The following RAF1 variants were observed in gnomAD, a reference collection of about 807,000 sequenced individuals.
The protein encoded by RAF1 is RAF proto-oncogene serine/threonine-protein kinase.
In RAF1, 27 loss-of-function variants were observed where a neutral mutation model predicts 81.1. That is an observed-to-expected ratio of 0.33 (90% CI 0.25 to 0.46). RAF1 has a LOEUF of 0.46. RAF1 is among the 20% of genes least tolerant of loss of function. RAF1 has a pLI of 1.00. For synonymous variants in RAF1, 298 were observed against 294.0 expected, an observed-to-expected ratio of 1.01 and a Z score of -0.14; for missense variants, 598 against 826.0, an observed-to-expected ratio of 0.72 and a Z score of 3.38.
intron 12 of RAF1, among the ~76,000 whole-genome samples, 171 bp downstream of exon 11, chr3:12,591,537 T>G (rs1291443980): frequency 2.0e-5 from 3 of 152,108 alleles, no homozygotes; most frequent in Non-Finnish European, 4.4e-5. Flanking sequence ...CCACATAAAC[T>G]AAAGGAAACA....
chr3:12,638,273 G>A (rs1422702436), intron 1 of RAF1, among the ~76,000 whole-genome samples: 1 of 152,114 alleles, frequency 6.6e-6, no homozygotes, highest in African/African-American at 2.4e-5. Flanking sequence ...GGGCTATCTG[G>A]CAAGTGGTGA....
At chr3:12,608,734 T>C (rs2059116254) in intron 5 of RAF1, 32 bp downstream of exon 5, 3 of 1,607,608 alleles carry the variant, frequency 1.9e-6, no homozygotes, top group East Asian at 4.5e-5. Context: ...TCCTCATCCC[T>C]ATCTTCCTTG....
chr3:12,662,338 TAAAAAAAAAAAAAAAAAAAAA>T (rs61275660), intron 1 of RAF1, among the ~76,000 whole-genome samples: 3 of 100,906 alleles, frequency 3.0e-5, no homozygotes, highest in Admixed American at 1.2e-4. Flanking sequence ...CCTGTTCCTT[TAAAAAAAAAAAAAAAAAAAAA>T]AAAAAAAAAA....
chr3:12,620,908 AGTTC>A (rs2059538293), intron 1 of RAF1, among the ~76,000 whole-genome samples: 1 of 5,448 alleles, frequency 1.8e-4, no homozygotes, highest in Non-Finnish European at 2.6e-4. Context: ...TTCAGAGTTC[AGTTC>A]ATTCAGAGTT....
Position 12,603,465 on chromosome 3 carries a change from G to T in RAF1, c.894+13C>A, listed in dbSNP as rs937562341. 1.0e-5 allele frequency: 7 copies of T among 694,056 alleles called. No individual in the cohort carries two copies. The Admixed American group carries it at 1.4e-4, about 14-fold the overall frequency. The allele number at this position is 694,056 out of a possible 1,614,324, so 43.0% of individuals were successfully genotyped here. ...AATTACAAGAAAGCAAAGGCATGAAGAAAAATACCTACTCTTCCCCTCAAA... is the reference window on the plus strand; with the variant it reads ...AATTACAAGAAAGCAAAGGCATGAATAAAAATACCTACTCTTCCCCTCAAA... On this transcript the variant is annotated intron_variant, in intron 8 of 17. Transcript: ENST00000442415.
At chr3:12,635,282 G>A (rs1007926692) in intron 1 of RAF1, among the ~76,000 whole-genome samples, 2 of 119,234 alleles carry the variant, frequency 1.7e-5, no homozygotes, top group Non-Finnish European at 3.2e-5. Flanking sequence ...TCTTGCCACT[G>A]TACTCCAGCC....
chr3:12,623,215 TG>T (rs2059600595), intron 1 of RAF1, among the ~76,000 whole-genome samples: 3 of 152,074 alleles, frequency 2.0e-5, no homozygotes, highest in Admixed American at 6.6e-5. Flanking sequence ...TATTCAACTG[TG>T]GGGGAAGACT....
intron 1 of RAF1, among the ~76,000 whole-genome samples, chr3:12,638,172 T>C (rs2060084413): frequency 6.6e-6 from 1 of 152,246 alleles, no homozygotes. Flanking sequence ...GAAGCTAAGT[T>C]CAGTTCACCC....
At chr3:12,657,288 T>C (rs1257096553) in intron 1 of RAF1, among the ~76,000 whole-genome samples, 1 of 152,176 alleles carries the variant, frequency 6.6e-6, no homozygotes, top group African/African-American at 2.4e-5. Context: ...TACCCTTAAA[T>C]ATTTTTGTGT....
chr3:12,613,680 T>A (rs765282655), intron 2 of RAF1, among the ~76,000 whole-genome samples: 1 of 152,102 alleles, frequency 6.6e-6, no homozygotes, highest in Non-Finnish European at 1.5e-5. Context: ...GCATAGTATG[T>A]GGATGCAAAG....
Position 12,660,986 on chromosome 3 carries a change from A to C in RAF1, c.-27+2827T>G, listed in dbSNP as rs186396326. On this transcript the variant is annotated intron_variant, in intron 1 of 17. Coordinates refer to ENST00000442415, the MANE Select transcript of RAF1 (RefSeq NM_001354689.3). ...TTAAAAGATAAGCCTTTAGTACAGA[A>C]ACAGTAACAGGTTTATTTTTCCAAG... Among the ~76,000 whole-genome samples the C allele has an allele frequency of 8.5e-5, 13 of 152,292 alleles. No homozygotes were observed. In the East Asian group the frequency reaches 2.5e-3, roughly 29 times the overall value.
At chr3:12,641,781 C>G (rs1017879078) in intron 1 of RAF1, among the ~76,000 whole-genome samples, 1 of 152,018 alleles carries the variant, frequency 6.6e-6, no homozygotes, top group African/African-American at 2.4e-5. Flanking sequence ...TGTGAACCAC[C>G]GTACCCGGCC....
intron 1 of RAF1, among the ~76,000 whole-genome samples, chr3:12,650,356 C>A (rs1239741926): frequency 6.6e-6 from 1 of 151,858 alleles, no homozygotes; most frequent in Non-Finnish European, 1.5e-5. Context: ...TAATTATATA[C>A]CAAAGCATTG....
intron 1 of RAF1, among the ~76,000 whole-genome samples, chr3:12,656,736 C>T (rs891304832): frequency 2.0e-5 from 3 of 152,176 alleles, no homozygotes; most frequent in African/African-American, 4.8e-5. Context: ...GTGGCTCACA[C>T]CTGTAATCCC....
chr3:12,591,841 T>C, intron 11 of RAF1, 49 bp from the exon 11 acceptor site: 2 of 1,340,866 alleles, frequency 1.5e-6, no homozygotes, highest in Non-Finnish European at 2.1e-6. Context: ...GATCTCAGTC[T>C]TTCAAATAAC....
At position 12,583,765 on chromosome 3, in the gene RAF1, C is replaced by CTGTTTGTT. The variant is rs371820097; in HGVS notation, c.*741_*748dup. The CTGTTTGTT allele has an allele frequency of 5.1e-5, 12 of 233,344 alleles. No individual in the cohort carries two copies. The highest frequency in any genetic ancestry group is 4.2e-4 in the East Asian group (7 of 16,542). 14.5% of individuals were successfully genotyped at this position (233,344 alleles called of 1,614,324 possible). A position where few individuals can be genotyped will look rare whatever the true frequency, so the allele number is the denominator to read the frequency against. ...ACATGATGTGACTAGAGAAACAAGG[C>CTGTTTGTT]TGTTTGTTTGTTTGTTTGTTAGAGA... is the stretch of plus-strand genomic sequence containing the variant. On this transcript the variant is annotated 3_prime_UTR_variant, in exon 18 of 18. Coordinates refer to ENST00000442415, the MANE Select transcript of RAF1 (RefSeq NM_001354689.3).
intron 8 of RAF1, among the ~76,000 whole-genome samples, chr3:12,602,945 G>A (rs954656169): frequency 6.6e-6 from 1 of 152,106 alleles, no homozygotes; most frequent in Admixed American, 6.5e-5. Context: ...GGTTACTAAT[G>A]TATAAACAGA....
At chr3:12,594,831 A>C (rs914186579) in intron 11 of RAF1, among the ~76,000 whole-genome samples, 1 of 152,198 alleles carries the variant, frequency 6.6e-6, no homozygotes, top group African/African-American at 2.4e-5. Flanking sequence ...AACCAAAGAC[A>C]GTGCCCATGG....
intron 5 of RAF1, 61 bp from the exon 6 acceptor site, chr3:12,606,360 G>C (rs2125407523): frequency 7.8e-7 from 1 of 1,289,810 alleles, no homozygotes; most frequent in African/African-American, 1.5e-5. Flanking sequence ...GAGACAATCA[G>C]CATGCCTTGC....
Sources: gnomAD v4.1 joint callset for allele counts (sites outside exome capture counted in the v4.1 genomes callset) on GRCh38, gnomAD v4.1.1 for gene constraint, MANE v1.5 for transcripts, NCBI Gene and HGNC (gene_info 2026-07-23, HGNC 2026-07-21) for gene names.